B4GALT5: variants seen among roughly 807,000 people sequenced by gnomAD.
The protein encoded by B4GALT5 is UDP-Gal:beta-GlcNAc beta-1,4-galactosyltransferase 5.
B4GALT5 carries 11 observed loss-of-function variants against 45.0 expected under a neutral mutation model. The observed-to-expected ratio is 0.24, with a 90% confidence interval of 0.15 to 0.40. The LOEUF (loss-of-function observed/expected upper bound fraction) is 0.40. Among genes scored for constraint, B4GALT5 ranks in the 10% least tolerant of loss-of-function variants. The pLI, the probability that B4GALT5 is intolerant of heterozygous loss-of-function variation, is 1.00. For synonymous variants in B4GALT5, 185 were observed against 182.9 expected (o/e 1.01, Z -0.09); for missense variants, 337 against 500.2 (o/e 0.67, Z 3.11).
intron 1 of B4GALT5, among the ~76,000 whole-genome samples, chr20:49,703,664 G>A (rs2085871916): frequency 6.6e-6 from 1 of 151,782 alleles, no homozygotes; most frequent in African/African-American, 2.4e-5. Flanking sequence ...CAAGGCAGGT[G>A]GATCACCTGA....
At chr20:49,698,261 T>C (rs924126627) in intron 1 of B4GALT5, among the ~76,000 whole-genome samples, 1 of 151,844 alleles carries the variant, frequency 6.6e-6, no homozygotes, top group Admixed American at 6.6e-5. Context: ...AAGTGGAGGT[T>C]GCAGTGAGCC....
Position 49,636,285 on chromosome 20 carries a change from G to T in B4GALT5, c.*27C>A. On this transcript the variant is annotated 3_prime_UTR_variant, in exon 9 of 9. Transcript: ENST00000371711. ...TCGGACTGCTTTCTTGGTGGCGGTG[G>T]GTAAAGCAAACGTACATTCTCTCCT... is the stretch of plus-strand genomic sequence containing the variant. 6.2e-7 allele frequency: 1 copy of T among 1,612,552 alleles called. No homozygotes were observed. Among genetic ancestry groups the T allele is most frequent in the Non-Finnish European group, 8.5e-7 (1 of 1,179,148 alleles).
At chr20:49,686,374 A>G (rs569879338) in intron 1 of B4GALT5, among the ~76,000 whole-genome samples, 74 of 152,294 alleles carry the variant, frequency 4.9e-4, no homozygotes, top group African/African-American at 1.7e-3. Flanking sequence ...GACAGACTGC[A>G]ACAGAACTGC....
chr20:49,681,544 C>T (rs2085764225), intron 1 of B4GALT5, among the ~76,000 whole-genome samples: 1 of 152,182 alleles, frequency 6.6e-6, no homozygotes, highest in Non-Finnish European at 1.5e-5. Context: ...TGAGCCCTGA[C>T]TTCTGCACTG....
chr20:49,673,365 G>A (rs1469209080), intron 1 of B4GALT5, among the ~76,000 whole-genome samples: 1 of 143,918 alleles, frequency 6.9e-6, no homozygotes, highest in African/African-American at 2.5e-5. Flanking sequence ...GGGTGACAAA[G>A]AGAGACTCCA....
In B4GALT5 at chr20:49,704,442, G is replaced by A. The variant is rs6095614; in HGVS notation, c.115+9134C>T. On this transcript the variant is annotated intron_variant, in intron 1 of 8. Coordinates refer to ENST00000371711, the MANE Select transcript of B4GALT5 (RefSeq NM_004776.4). The stretch of plus-strand genomic sequence containing the variant: ...CATGTAAAAACACAACATTGCGGCC[G>A]GGCGCGGTGGCTCACGCCTGTAATC... Among the ~76,000 whole-genome samples the A allele has an allele frequency of 4.3e-3, 648 of 152,174 alleles. 1 individual carries two copies. The highest frequency in any genetic ancestry group is 0.013 in the African/African-American group (548 of 41,518).
At chr20:49,665,437 GTAGTAATAA>G (rs1212630365) in intron 1 of B4GALT5, among the ~76,000 whole-genome samples, 18 of 72,366 alleles carry the variant, frequency 2.5e-4, no homozygotes, top group Middle Eastern at 8.1e-3. Context: ...TGGGGGGGTA[GTAGTAATAA>G]TAATAATAAT....
intron 1 of B4GALT5, among the ~76,000 whole-genome samples, chr20:49,702,902 G>A (rs184126093): frequency 9.9e-5 from 15 of 151,716 alleles, no homozygotes; most frequent in African/African-American, 3.6e-4. Context: ...GGCCAGGCGC[G>A]GTGGCTCACG....
chr20:49,643,922 C>CTTT (rs138727530), intron 3 of B4GALT5, among the ~76,000 whole-genome samples: 8 of 52,184 alleles, frequency 1.5e-4, no homozygotes, highest in East Asian at 6.8e-4. Flanking sequence ...AGTAGCTGAG[C>CTTT]TTTTTTTTTT....
chr20:49,710,786 C>T (rs558639314), intron 1 of B4GALT5, among the ~76,000 whole-genome samples: 45 of 152,232 alleles, frequency 3.0e-4, no homozygotes, highest in South Asian at 1.5e-3. Flanking sequence ...CCAAGGAACA[C>T]AAAACAACCT....
intron 1 of B4GALT5, among the ~76,000 whole-genome samples, chr20:49,680,266 G>A (rs2085758703): frequency 6.6e-6 from 1 of 152,194 alleles, no homozygotes; most frequent in Admixed American, 6.5e-5. Context: ...CAGAGACCAT[G>A]AGTGTTTTGG....
intron 1 of B4GALT5, among the ~76,000 whole-genome samples, chr20:49,685,726 T>C (rs1234393863): frequency 6.6e-6 from 1 of 152,034 alleles, no homozygotes; most frequent in East Asian, 1.9e-4. Flanking sequence ...AGTAGAAAAA[T>C]AACAGCTATT....
chr20:49,658,334 T>C (rs1043525850), intron 1 of B4GALT5, among the ~76,000 whole-genome samples: 2 of 152,226 alleles, frequency 1.3e-5, no homozygotes, highest in Non-Finnish European at 2.9e-5. Flanking sequence ...AAATACTTGT[T>C]AAACCTAAGA....
intron 1 of B4GALT5, among the ~76,000 whole-genome samples, chr20:49,687,775 A>C (rs1387604300): frequency 1.3e-5 from 2 of 152,196 alleles, no homozygotes; most frequent in African/African-American, 4.8e-5. Context: ...AACAATGCAC[A>C]TGTGCAAGAT....
At chr20:49,702,241 T>TA (rs1337683053) in intron 1 of B4GALT5, among the ~76,000 whole-genome samples, 4 of 152,050 alleles carry the variant, frequency 2.6e-5, no homozygotes, top group African/African-American at 9.7e-5. Context: ...GCTTCAAACT[T>TA]AAACACGTTA....
chr20:49,659,639 T>C (rs1407962499), intron 1 of B4GALT5, among the ~76,000 whole-genome samples: 1 of 152,120 alleles, frequency 6.6e-6, no homozygotes, highest in African/African-American at 2.4e-5. Context: ...AATCCACAAC[T>C]TGGGATTGGA....
chr20:49,689,560 T>C (rs998221939), intron 1 of B4GALT5, among the ~76,000 whole-genome samples: 2 of 152,236 alleles, frequency 1.3e-5, no homozygotes, highest in African/African-American at 4.8e-5. Context: ...ACTCACCATC[T>C]TGATTCCACT....
intron 1 of B4GALT5, among the ~76,000 whole-genome samples, chr20:49,670,563 A>C (rs2085711442): frequency 6.6e-6 from 1 of 152,206 alleles, no homozygotes; most frequent in East Asian, 1.9e-4. Context: ...TGACTGAGTG[A>C]GGGTTTAAAA....
intron 2 of B4GALT5, among the ~76,000 whole-genome samples, chr20:49,653,190 A>G (rs1306909857): frequency 6.6e-6 from 1 of 152,158 alleles, no homozygotes; most frequent in Non-Finnish European, 1.5e-5. Context: ...CAATCTAAAA[A>G]TCCGAAATCT....
Sources: gnomAD v4.1 joint callset for allele counts (sites outside exome capture counted in the v4.1 genomes callset) on GRCh38, gnomAD v4.1.1 for gene constraint, MANE v1.5 for transcripts, NCBI Gene and HGNC (gene_info 2026-07-23, HGNC 2026-07-21) for gene names.